The following CES1 variants were observed in gnomAD, a reference collection of about 807,000 sequenced individuals.
CES1 encodes carboxylesterase 1.
In CES1, 50 loss-of-function variants were observed where a neutral mutation model predicts 53.0. The observed-to-expected ratio is 0.94, with a 90% CI of 0.75 to 1.19. The LOEUF is 1.19. Among genes scored for constraint, CES1 ranks in the 50% most tolerant of loss-of-function variants. CES1 has a pLI of 0.00. For synonymous variants in CES1, 202 were observed against 210.1 expected (o/e 0.96, Z 0.33); for missense variants, 534 against 538.0 (o/e 0.99, Z 0.07).
At chr16:55,821,074 A>AGAG (rs2032167234) in intron 5 of CES1, among the ~76,000 whole-genome samples, 1 of 149,732 alleles carries the variant, frequency 6.7e-6, no homozygotes, top group Non-Finnish European at 1.5e-5. Context: ...GAGAGAGAGA[A>AGAG]AGAGAGAGAG....
intron 7 of CES1, among the ~76,000 whole-genome samples, chr16:55,817,507 C>T (rs1300717351): frequency 1.3e-5 from 2 of 152,208 alleles, no homozygotes; most frequent in Non-Finnish European, 2.9e-5. Context: ...TGAGTCTCAT[C>T]CTACCCCATG....
chr16:55,811,179 A>G (rs2031680208), intron 9 of CES1, among the ~76,000 whole-genome samples, 169 bp from the exon 10 acceptor site: 1 of 150,064 alleles, frequency 6.7e-6, no homozygotes, highest in Non-Finnish European at 1.5e-5. Context: ...AAATGGGCTT[A>G]TATCCAGAAA....
chr16:55,819,645 A>G lies in CES1; in HGVS notation c.802-6T>C. The G allele has an allele frequency of 6.2e-7, 1 of 1,608,782 alleles. No homozygotes were observed. Among genetic ancestry groups the G allele is most frequent in the Non-Finnish European group, 8.5e-7 (1 of 1,175,132 alleles). On this transcript the variant is annotated splice_region_variant and splice_polypyrimidine_tract_variant and intron_variant, in intron 6 of 13. Coordinates refer to ENST00000360526, the MANE Select transcript of CES1 (RefSeq NM_001025195.2). ...CCAGCAGTGATAGCAATTTGCTGCA[A>G]AGATCACAGGCAACAACAGAGTTCA... is the stretch of plus-strand genomic sequence containing the variant.
chr16:55,829,878 A>G (rs1354850192), intron 1 of CES1, among the ~76,000 whole-genome samples: 1 of 152,222 alleles, frequency 6.6e-6, no homozygotes, highest in Non-Finnish European at 1.5e-5. Flanking sequence ...TTCATTTCCC[A>G]CAGCCTCCGC....
intron 8 of CES1, among the ~76,000 whole-genome samples, chr16:55,814,758 C>T (rs1475724144): frequency 1.3e-5 from 2 of 152,328 alleles, no homozygotes; most frequent in Admixed American, 6.5e-5. Context: ...CTTCTGGGAC[C>T]TTTGGTCTGC....
intron 1 of CES1, among the ~76,000 whole-genome samples, chr16:55,832,596 G>T (rs1296387167): frequency 6.6e-6 from 1 of 152,208 alleles, no homozygotes; most frequent in African/African-American, 2.4e-5. Flanking sequence ...GACACACAGC[G>T]AGGAAGCGCC....
chr16:55,826,704 C>T (rs1346085341), intron 2 of CES1, among the ~76,000 whole-genome samples: 2 of 152,120 alleles, frequency 1.3e-5, no homozygotes, highest in Admixed American at 6.6e-5. Context: ...TGGGTGAATT[C>T]CTTTTACACT....
At chr16:55,816,847 T>C (rs1218037439) in intron 8 of CES1, 77 bp downstream of exon 8, 3 of 1,485,774 alleles carry the variant, frequency 2.0e-6, no homozygotes, top group Non-Finnish European at 1.9e-6. Context: ...CAAGAGATGA[T>C]TCTTTCACTC....
chr16:55,812,976 G>C lies in CES1; in HGVS notation c.1013C>G (p.Ala338Gly), dbSNP rs773189319. The C allele has an allele frequency of 1.2e-6, 2 of 1,614,070 alleles. No individual in the cohort carries two copies. The highest frequency in any genetic ancestry group is 1.7e-6 in the Non-Finnish European group (2 of 1,179,954). The change falls in exon 9 of 14, where the codon GCT becomes GGT. Residue 338 changes from alanine (A) to glycine (G), a missense_variant. By Grantham distance (60) the Ala-to-Gly change is moderately conservative. This residue lies in a region of CES1 where 269 missense variants were observed against 206.6 expected (regional missense o/e 1.30). Coordinates refer to ENST00000360526, the MANE Select transcript of CES1 (RefSeq NM_001025195.2). ...GGGGACAGTGTGGAAATTCCTTTCA[G>C]CTTGAAGCTCTTCAGGTGTTTTCAG... Reference protein sequence around the residue: ...LLLKTPEELQAERNFHTVPYM... With the variant: ...LLLKTPEELQGERNFHTVPYM...
intron 11 of CES1, among the ~76,000 whole-genome samples, chr16:55,808,805 A>G (rs2031549733): frequency 6.6e-6 from 1 of 152,192 alleles, no homozygotes; most frequent in Non-Finnish European, 1.5e-5. Flanking sequence ...GTTTGTATCA[A>G]CATTGAGAAA....
At chr16:55,831,238 T>C (rs551902524) in intron 1 of CES1, among the ~76,000 whole-genome samples, 92 of 151,792 alleles carry the variant, frequency 6.1e-4, no homozygotes, top group South Asian at 1.2e-3. Flanking sequence ...AACGTTCCCA[T>C]GTCTTTGAAG....
intron 1 of CES1, 132 bp downstream of exon 1, chr16:55,832,872 C>T (rs1401959600): frequency 2.2e-6 from 2 of 896,102 alleles, no homozygotes; most frequent in Non-Finnish European, 1.9e-6. Flanking sequence ...AGTCCAAGTC[C>T]TAATATGGAA....
intron 9 of CES1, among the ~76,000 whole-genome samples, chr16:55,812,100 G>A (rs1259910059): frequency 3.9e-5 from 6 of 152,152 alleles, no homozygotes; most frequent in African/African-American, 7.2e-5. Flanking sequence ...TCCACTCCAC[G>A]CTGGACTATT....
chr16:55,811,155 G>T, intron 9 of CES1, 145 bp from the exon 10 acceptor site: 1 of 582,182 alleles, frequency 1.7e-6, no homozygotes. Flanking sequence ...TGAAATGGGT[G>T]AAATCAATGA....
intron 1 of CES1, among the ~76,000 whole-genome samples, chr16:55,831,978 C>T (rs140732317): frequency 0.029 from 3,901 of 136,480 alleles, 9 homozygotes; most frequent in African/African-American, 0.06. Flanking sequence ...CATCTGAGGC[C>T]TTGTTGACCT....
intron 1 of CES1, among the ~76,000 whole-genome samples, chr16:55,832,517 G>T (rs1337750567): frequency 6.6e-6 from 1 of 152,160 alleles, no homozygotes; most frequent in Non-Finnish European, 1.5e-5. Flanking sequence ...AGTGAGGTAG[G>T]CAGCACTGCC....
intron 3 of CES1, among the ~76,000 whole-genome samples, chr16:55,825,818 A>G (rs1384139080): frequency 1.3e-5 from 2 of 152,226 alleles, no homozygotes; most frequent in African/African-American, 2.4e-5. Flanking sequence ...TTCCACCACT[A>G]ACATTGAAAA....
intron 1 of CES1, 127 bp from the exon 2 acceptor site, chr16:55,829,101 C>T: frequency 9.7e-7 from 1 of 1,033,888 alleles, no homozygotes; most frequent in Non-Finnish European, 1.5e-6. Context: ...GCCTCAGTTT[C>T]TCTTGATGTA....
rs1365456839 is a variant in CES1, at chr16:55,826,232, G to C, written c.324C>G (p.Asn108Lys). Residue 108 changes from asparagine (N) to lysine (K), a missense_variant, in exon 3 of 14, where the codon AAC becomes AAG. By Grantham distance (94) the Asn-to-Lys change is moderately conservative. This residue lies in a region of CES1 where 164 missense variants were observed against 162.4 expected (regional missense o/e 1.01). Transcript: ENST00000360526. ...AGTCTTCAGAAAGCTTGAGAGGAAT[G>C]TTCTCCTTTCGGTTTGTAAATAGCT... The part of the protein sequence containing the change: ...LSELFTNRKE[N>K]IPLKLSEDCL... The C allele has an allele frequency of 6.2e-7, 1 of 1,613,830 alleles. No homozygotes were observed. Among genetic ancestry groups the C allele is most frequent in the African/African-American group, 1.3e-5 (1 of 74,916 alleles).
Sources: gnomAD v4.1 joint callset for allele counts (sites outside exome capture counted in the v4.1 genomes callset) on GRCh38, gnomAD v4.1.1 for gene constraint, gnomAD v4.1.1 regional missense constraint, MANE v1.5 for transcripts, NCBI Gene and HGNC (gene_info 2026-07-23, HGNC 2026-07-21) for gene names.